SNTB1: variants seen among roughly 807,000 people sequenced by gnomAD.
The protein encoded by SNTB1 is syntrophin beta 1.
In SNTB1, 36 loss-of-function variants were observed where a neutral mutation model predicts 48.9. The observed-to-expected ratio is 0.74, with a 90% CI of 0.56 to 0.97. The LOEUF (loss-of-function observed/expected upper bound fraction) is 0.97. SNTB1 is among the 50% of genes least tolerant of loss of function. The probability of loss-of-function intolerance (pLI) is 0.00; values close to 1 mark genes in which losing one functional copy is unlikely to be tolerated. For synonymous variants in SNTB1, 299 were observed against 294.6 expected (o/e 1.01, Z -0.15); for missense variants, 786 against 703.4 (o/e 1.12, Z -1.33).
chr8:120,651,423 G>A (rs1817409584), intron 2 of SNTB1, among the ~76,000 whole-genome samples: 1 of 152,310 alleles, frequency 6.6e-6, no homozygotes, highest in East Asian at 1.9e-4. Context: ...AGCTATATGA[G>A]GTTCCTGTTA....
At chr8:120,725,805 A>G (rs983330398) in intron 1 of SNTB1, among the ~76,000 whole-genome samples, 1 of 152,204 alleles carries the variant, frequency 6.6e-6, no homozygotes, top group Non-Finnish European at 1.5e-5. Flanking sequence ...TCTTACCTTA[A>G]GGCAACTCCT....
At chr8:120,646,766 G>A (rs1340884222) in intron 2 of SNTB1, among the ~76,000 whole-genome samples, 1 of 152,106 alleles carries the variant, frequency 6.6e-6, no homozygotes, top group African/African-American at 2.4e-5. Context: ...GTACCTCTGG[G>A]AGAATTCGGC....
chr8:120,770,348 G>A (rs1304685786), intron 1 of SNTB1, among the ~76,000 whole-genome samples: 1 of 151,332 alleles, frequency 6.6e-6, no homozygotes, highest in Non-Finnish European at 1.5e-5. Context: ...ATTCCCTACA[G>A]ACGACATCCA....
At chr8:120,609,016 T>C (rs1202137057) in intron 3 of SNTB1, among the ~76,000 whole-genome samples, 1 of 152,220 alleles carries the variant, frequency 6.6e-6, no homozygotes, top group Non-Finnish European at 1.5e-5. Flanking sequence ...AAAATCCTGC[T>C]GAGATCCTTA....
At chr8:120,558,348 G>A (rs1254211133) in intron 4 of SNTB1, among the ~76,000 whole-genome samples, 3 of 152,270 alleles carry the variant, frequency 2.0e-5, no homozygotes, top group East Asian at 3.9e-4. Context: ...AGAAAATACT[G>A]GCACCCTGGG....
chr8:120,649,677 A>G (rs1174435289), intron 2 of SNTB1, among the ~76,000 whole-genome samples: 1 of 151,134 alleles, frequency 6.6e-6, no homozygotes, highest in Non-Finnish European at 1.5e-5. Context: ...GGCCTCCTTG[A>G]GCTGTGGTGG....
chr8:120,703,018 A>C (rs779965103), intron 1 of SNTB1, among the ~76,000 whole-genome samples: 1 of 152,268 alleles, frequency 6.6e-6, no homozygotes, highest in African/African-American at 2.4e-5. Flanking sequence ...ACTGTCAGAA[A>C]AAATAAAAAC....
At chr8:120,733,791 C>G (rs542225993) in intron 1 of SNTB1, among the ~76,000 whole-genome samples, 1 of 152,288 alleles carries the variant, frequency 6.6e-6, no homozygotes, top group Non-Finnish European at 1.5e-5. Context: ...ATTCCAAGAT[C>G]CAGTAATAAC....
chr8:120,758,375 T>C (rs1355171430), intron 1 of SNTB1, among the ~76,000 whole-genome samples: 1 of 152,158 alleles, frequency 6.6e-6, no homozygotes. Context: ...AATAAGGGCC[T>C]GGATGATGAT....
intron 1 of SNTB1, among the ~76,000 whole-genome samples, chr8:120,703,876 G>A (rs371448209): frequency 3.9e-4 from 59 of 152,340 alleles, no homozygotes; most frequent in African/African-American, 1.3e-3. Flanking sequence ...TGTAAAGTAT[G>A]CTCATTAGGG....
At chr8:120,770,408 T>A (rs1819602030) in intron 1 of SNTB1, among the ~76,000 whole-genome samples, 1 of 152,094 alleles carries the variant, frequency 6.6e-6, no homozygotes, top group Non-Finnish European at 1.5e-5. Context: ...CATTTTTTTT[T>A]TTTTTGCCTT....
At chr8:120,565,124 G>GTT (rs147931962) in intron 4 of SNTB1, among the ~76,000 whole-genome samples, 93 of 151,714 alleles carry the variant, frequency 6.1e-4, no homozygotes, top group East Asian at 2.3e-3. Flanking sequence ...GATTTTAAAA[G>GTT]TTTTTTTTTA....
chr8:120,611,551 C>T (rs1732018597), intron 3 of SNTB1, among the ~76,000 whole-genome samples: 1 of 152,014 alleles, frequency 6.6e-6, no homozygotes. Flanking sequence ...AGGCCAGGTG[C>T]GGTAGCTCAC....
At chr8:120,566,358 G>A (rs560187709) in intron 4 of SNTB1, among the ~76,000 whole-genome samples, 3 of 145,482 alleles carry the variant, frequency 2.1e-5, no homozygotes, top group Admixed American at 1.4e-4. Flanking sequence ...AAAAAAGGGT[G>A]GGGGAGGCTT....
chr8:120,750,511 C>G (rs571814076), intron 1 of SNTB1, among the ~76,000 whole-genome samples: 2 of 152,256 alleles, frequency 1.3e-5, no homozygotes, highest in African/African-American at 2.4e-5. Flanking sequence ...TATTCACTGT[C>G]TCTTAAATCG....
At chr8:120,564,353 A>G (rs1233477348) in intron 4 of SNTB1, among the ~76,000 whole-genome samples, 1 of 150,978 alleles carries the variant, frequency 6.6e-6, no homozygotes, top group Non-Finnish European at 1.5e-5. Context: ...AGGTCATTTG[A>G]GAACATTAAA....
At chr8:120,704,905 G>A (rs1278523572) in intron 1 of SNTB1, among the ~76,000 whole-genome samples, 2 of 152,220 alleles carry the variant, frequency 1.3e-5, no homozygotes, top group African/African-American at 4.8e-5. Flanking sequence ...TGTGTTAAAA[G>A]CTGTTGATAA....
intron 5 of SNTB1, among the ~76,000 whole-genome samples, chr8:120,548,155 C>T (rs551720201): frequency 6.6e-6 from 1 of 152,082 alleles, no homozygotes; most frequent in Non-Finnish European, 1.5e-5. Context: ...TCTCTCTCCC[C>T]TCTCCTATTG....
At chr8:120,648,662 G>A (rs978778856) in intron 2 of SNTB1, among the ~76,000 whole-genome samples, 5 of 151,536 alleles carry the variant, frequency 3.3e-5, no homozygotes, top group South Asian at 4.2e-4. Flanking sequence ...TGCTCTTCTC[G>A]AGGAGTATCT....
Sources: allele counts gnomAD v4.1 joint callset (sites outside exome capture counted in the v4.1 genomes callset), GRCh38; gene constraint gnomAD v4.1.1; transcripts MANE v1.5; gene names NCBI Gene and HGNC (gene_info 2026-07-23, HGNC 2026-07-21).